Variants in CMIP observed in about 807,000 individuals in gnomAD.
CMIP encodes the protein c-Maf inducing protein.
In CMIP, 13 loss-of-function variants were observed where a neutral mutation model predicts 97.3. The observed-to-expected ratio is 0.13, with a 90% CI of 0.09 to 0.21. The LOEUF is 0.21. Ranked by LOEUF, CMIP falls within the 10% of genes least tolerant of loss-of-function variation. The pLI, the probability that CMIP is intolerant of heterozygous loss-of-function variation, is 1.00. For missense variants in CMIP, 847 were observed against 1,024.9 expected (o/e 0.83, Z 2.37); for synonymous variants, 538 against 436.3 (o/e 1.23, Z -2.91).
chr16:81,470,507 A>G (rs1040503062), intron 1 of CMIP, among the ~76,000 whole-genome samples: 2 of 152,216 alleles, frequency 1.3e-5, no homozygotes, highest in Non-Finnish European at 2.9e-5. Context: ...AAAGTGCTAA[A>G]AATAAGGCTG....
chr16:81,650,964 T>C (rs1011597912), intron 3 of CMIP, among the ~76,000 whole-genome samples: 1 of 152,178 alleles, frequency 6.6e-6, no homozygotes, highest in South Asian at 2.1e-4. Context: ...ACTTCCTTGA[T>C]AGCGGTGGGT....
chr16:81,569,815 C>T (rs920760439), intron 1 of CMIP, among the ~76,000 whole-genome samples: 1 of 152,182 alleles, frequency 6.6e-6, no homozygotes, highest in Admixed American at 6.5e-5. Context: ...ACTCGGTTTT[C>T]TCATCTGTAA....
intron 10 of CMIP, among the ~76,000 whole-genome samples, chr16:81,689,060 A>T (rs188861267): frequency 6.6e-6 from 1 of 152,168 alleles, no homozygotes; most frequent in Non-Finnish European, 1.5e-5. Context: ...TCTGTCATTG[A>T]TGGACATTTT....
At chr16:81,537,528 C>A (rs2090365608) in intron 1 of CMIP, among the ~76,000 whole-genome samples, 1 of 131,212 alleles carries the variant, frequency 7.6e-6, no homozygotes, top group South Asian at 2.5e-4. Context: ...GAGAGAGACT[C>A]CGTCTCCAAA....
At chr16:81,681,809 G>C (rs951262257) in intron 10 of CMIP, among the ~76,000 whole-genome samples, 1 of 152,164 alleles carries the variant, frequency 6.6e-6, no homozygotes, top group African/African-American at 2.4e-5. Flanking sequence ...CTGGGCCTCA[G>C]TTTTCTTGTC....
At chr16:81,696,367 G>A (rs1906719013) in intron 13 of CMIP, 193 bp from the exon 14 acceptor site, 3 of 635,602 alleles carry the variant, frequency 4.7e-6, no homozygotes, top group Middle Eastern at 3.8e-4. Context: ...GGGGTGTGGG[G>A]GCCACGGTAT....
At chr16:81,677,348 G>A (rs761691790) in intron 9 of CMIP, among the ~76,000 whole-genome samples, 3 of 152,096 alleles carry the variant, frequency 2.0e-5, no homozygotes, top group African/African-American at 4.8e-5. Flanking sequence ...TTCTGAGACC[G>A]TCTTTCCTCA....
intron 1 of CMIP, among the ~76,000 whole-genome samples, chr16:81,601,114 C>T (rs756386342): frequency 6.6e-6 from 1 of 152,304 alleles, no homozygotes; most frequent in East Asian, 1.9e-4. Context: ...CCACACATGC[C>T]CCATGACAAA....
At chr16:81,538,835 A>G (rs1186563558) in intron 1 of CMIP, among the ~76,000 whole-genome samples, 1 of 152,028 alleles carries the variant, frequency 6.6e-6, no homozygotes, top group Non-Finnish European at 1.5e-5. Context: ...TTTTTTTCAC[A>G]GGCAAGTTGA....
chr16:81,613,902 A>G (rs1423283337), intron 2 of CMIP, among the ~76,000 whole-genome samples: 3 of 152,128 alleles, frequency 2.0e-5, no homozygotes, highest in African/African-American at 7.2e-5. Context: ...CACTTCAACC[A>G]ATCTTTCACT....
intron 1 of CMIP, among the ~76,000 whole-genome samples, chr16:81,603,634 C>A (rs1490148220): frequency 6.6e-6 from 1 of 152,188 alleles, no homozygotes; most frequent in African/African-American, 2.4e-5. Flanking sequence ...CCAGGATCCC[C>A]ACAGTACCTG....
chr16:81,506,680 C>G (rs990690537), intron 1 of CMIP, among the ~76,000 whole-genome samples: 1 of 152,232 alleles, frequency 6.6e-6, no homozygotes, highest in Admixed American at 6.5e-5. Context: ...TCTGGGAGGC[C>G]AAGGCGGGCG....
intron 1 of CMIP, among the ~76,000 whole-genome samples, chr16:81,557,368 C>G (rs1483677890): frequency 7.0e-6 from 1 of 142,320 alleles, no homozygotes; most frequent in African/African-American, 2.8e-5. Flanking sequence ...TGAATTCACT[C>G]ATGTTGGTTG....
chr16:81,661,803 C>A (rs964953691), intron 6 of CMIP, among the ~76,000 whole-genome samples: 1 of 152,008 alleles, frequency 6.6e-6, no homozygotes, highest in Admixed American at 6.6e-5. Flanking sequence ...GGGACGGGAG[C>A]TTTGAAAGGG....
intron 2 of CMIP, among the ~76,000 whole-genome samples, chr16:81,612,825 C>T (rs2091853896): frequency 6.6e-6 from 1 of 151,882 alleles, no homozygotes; most frequent in Non-Finnish European, 1.5e-5. Flanking sequence ...TCTGAGTGAC[C>T]CTCAGGGTTG....
At chr16:81,590,438 C>G (rs1004642629) in intron 1 of CMIP, among the ~76,000 whole-genome samples, 2 of 152,214 alleles carry the variant, frequency 1.3e-5, no homozygotes, top group African/African-American at 4.8e-5. Context: ...GTCCGGGGTC[C>G]TGGCAGCTCA....
intron 3 of CMIP, among the ~76,000 whole-genome samples, chr16:81,623,213 A>C (rs10153128): frequency 0.11 from 17,364 of 152,108 alleles, 2,355 homozygotes; most frequent in African/African-American, 0.31. Flanking sequence ...CCCCACCCCA[A>C]AAATGTTAAG....
intron 1 of CMIP, among the ~76,000 whole-genome samples, chr16:81,529,060 G>C (rs895472480): frequency 2.6e-5 from 4 of 152,142 alleles, no homozygotes; most frequent in Non-Finnish European, 5.9e-5. Context: ...GCTAGATACA[G>C]ATGAATGAGC....
intron 3 of CMIP, among the ~76,000 whole-genome samples, chr16:81,649,242 G>C (rs2092399666): frequency 1.3e-5 from 2 of 152,380 alleles, no homozygotes; most frequent in South Asian, 4.1e-4. Flanking sequence ...AGCCTCTGCA[G>C]ACTCTCCCAT....
Sources: gnomAD v4.1 joint callset for allele counts (sites outside exome capture counted in the v4.1 genomes callset) on GRCh38, gnomAD v4.1.1 for gene constraint, MANE v1.5 for transcripts, NCBI Gene and HGNC (gene_info 2026-07-23, HGNC 2026-07-21) for gene names.